The following DAB1 variants were observed in gnomAD, a reference collection of about 807,000 sequenced individuals.
The protein encoded by DAB1 is DAB adaptor protein 1, also known as disabled homolog 1.
Under a neutral mutation model 64.6 loss-of-function variants are expected in DAB1, and 15 were observed. The observed-to-expected ratio is 0.23, with a 90% CI of 0.16 to 0.36. The LOEUF is 0.36. DAB1 is among the 10% of genes least tolerant of loss of function. The pLI is 1.00. For missense variants in DAB1, 596 were observed against 706.7 expected (o/e 0.84, Z 1.78); for synonymous variants, 235 against 251.9 (o/e 0.93, Z 0.64).
intron 6 of DAB1, among the ~76,000 whole-genome samples, chr1:57,696,872 A>G (rs913068547): frequency 2.0e-5 from 3 of 152,152 alleles, no homozygotes; most frequent in African/African-American, 7.2e-5. Context: ...TGGCTAATTT[A>G]TCATTATGAT....
intron 1 of DAB1, among the ~76,000 whole-genome samples, chr1:57,835,354 T>A (rs955470693): frequency 2.6e-5 from 4 of 152,346 alleles, no homozygotes; most frequent in Middle Eastern, 3.4e-3. Context: ...TTAGCTATCA[T>A]CAACCCTGTT....
chr1:57,505,804 G>A (rs1264694314), intron 7 of DAB1, among the ~76,000 whole-genome samples: 1 of 152,024 alleles, frequency 6.6e-6, no homozygotes, highest in African/African-American at 2.4e-5. Context: ...CCACGTAGCT[G>A]AGACTACAGG....
At chr1:57,911,768 G>T (rs2102009521) in intron 5 of DAB1, among the ~76,000 whole-genome samples, 1 of 152,332 alleles carries the variant, frequency 6.6e-6, no homozygotes, top group East Asian at 1.9e-4. Context: ...GGGCTGGTAA[G>T]CATCCACAGC....
chr1:58,025,983 C>T (rs1422615277), intron 5 of DAB1, among the ~76,000 whole-genome samples: 3 of 152,104 alleles, frequency 2.0e-5, no homozygotes, highest in East Asian at 1.9e-4. Flanking sequence ...AACACTCATC[C>T]TTCAAGTTTT....
intron 2 of DAB1, among the ~76,000 whole-genome samples, chr1:57,241,008 C>T (rs1348891721): frequency 6.6e-6 from 1 of 152,158 alleles, no homozygotes; most frequent in African/African-American, 2.4e-5. Flanking sequence ...GTTACATTTG[C>T]ATGTATCTGC....
At chr1:57,318,252 G>A (rs1189613469) in intron 1 of DAB1, among the ~76,000 whole-genome samples, 2 of 151,978 alleles carry the variant, frequency 1.3e-5, no homozygotes, top group Non-Finnish European at 2.9e-5. Context: ...GAACTGAATG[G>A]TAGCTCCAAA....
chr1:57,962,135 T>G (rs779035100), intron 5 of DAB1, among the ~76,000 whole-genome samples: 3 of 152,102 alleles, frequency 2.0e-5, no homozygotes, highest in Non-Finnish European at 2.9e-5. Context: ...TCTGCTTGAC[T>G]AGACTATCTT....
chr1:57,606,507 A>G (rs1465997605), intron 7 of DAB1, among the ~76,000 whole-genome samples: 1 of 68,862 alleles, frequency 1.5e-5, no homozygotes, highest in East Asian at 4.0e-4. Flanking sequence ...TATAATATAT[A>G]ATATAATATA....
At chr1:57,976,654 G>A (rs771119048) in intron 5 of DAB1, among the ~76,000 whole-genome samples, 2 of 152,274 alleles carry the variant, frequency 1.3e-5, no homozygotes, top group Admixed American at 6.5e-5. Context: ...ATCACTATGT[G>A]ACACTTTTAG....
chr1:58,150,986 T>C (rs1425799820), intron 4 of DAB1, among the ~76,000 whole-genome samples: 2 of 152,190 alleles, frequency 1.3e-5, no homozygotes, highest in Admixed American at 6.5e-5. Context: ...AATGGTGGTA[T>C]CCAGCTTCAT....
intron 1 of DAB1, among the ~76,000 whole-genome samples, chr1:57,872,389 C>T (rs1024860699): frequency 1.3e-5 from 2 of 152,162 alleles, no homozygotes; most frequent in African/African-American, 4.8e-5. Context: ...AGAGGTATAT[C>T]TATGAACCAG....
At chr1:58,435,113 G>C (rs1477892926) in intron 3 of DAB1, among the ~76,000 whole-genome samples, 2 of 152,166 alleles carry the variant, frequency 1.3e-5, no homozygotes, top group Non-Finnish European at 2.9e-5. Context: ...GTTGACTTCA[G>C]ATTGGGTTCA....
intron 7 of DAB1, among the ~76,000 whole-genome samples, chr1:57,530,244 C>T (rs1196959636): frequency 6.6e-6 from 1 of 152,170 alleles, no homozygotes; most frequent in Non-Finnish European, 1.5e-5. Context: ...GATATGACAG[C>T]CTCTCTTGGT....
At chr1:57,121,157 G>GAGGAGGAGGAGGAGA (rs1553145028) in intron 4 of DAB1, among the ~76,000 whole-genome samples, 5 of 140,784 alleles carry the variant, frequency 3.6e-5, no homozygotes, top group Non-Finnish European at 6.1e-5. Flanking sequence ...GGAGGAGGAG[G>GAGGAGGAGGAGGAGA]AGGAGGAGAA....
chr1:58,383,588 A>G (rs559808476), intron 3 of DAB1, among the ~76,000 whole-genome samples: 9 of 148,426 alleles, frequency 6.1e-5, no homozygotes, highest in Non-Finnish European at 1.2e-4. Context: ...TCATACATAC[A>G]TTTTTTCAGT....
intron 2 of DAB1, among the ~76,000 whole-genome samples, chr1:57,280,777 T>A (rs1484236457): frequency 6.6e-6 from 1 of 152,190 alleles, no homozygotes; most frequent in Non-Finnish European, 1.5e-5. Context: ...GAATGCCACA[T>A]AATAAGAATC....
At chr1:57,725,693 T>C (rs1647200187) in intron 6 of DAB1, among the ~76,000 whole-genome samples, 1 of 152,152 alleles carries the variant, frequency 6.6e-6, no homozygotes, top group African/African-American at 2.4e-5. Context: ...ATTATTACCA[T>C]TATGATTAGA....
chr1:57,346,985 G>A lies in DAB1; in HGVS notation c.-136-55819C>T, dbSNP rs1319129659. Among the ~76,000 whole-genome samples the A allele has an allele frequency of 2.6e-5, 4 of 152,140 alleles. No individual in the cohort carries two copies. The East Asian group carries it at 5.8e-4, about 22-fold the overall frequency. On this transcript the variant is annotated intron_variant, in intron 1 of 14. Coordinates refer to ENST00000371236, the MANE Select transcript of DAB1 (RefSeq NM_001365792.1). ...AAATCCATGAAGCTTACGTACTGGT[G>A]GAGAAAACCAACAAATAAACCAAAA...
chr1:57,901,153 C>T (rs771247729), intron 5 of DAB1, among the ~76,000 whole-genome samples: 16 of 152,158 alleles, frequency 1.1e-4, no homozygotes, highest in African/African-American at 2.4e-4. Context: ...TGCAGCAAGT[C>T]TGTCCAGCTC....
Sources: gnomAD v4.1 joint callset for allele counts (sites outside exome capture counted in the v4.1 genomes callset) on GRCh38, gnomAD v4.1.1 for gene constraint, MANE v1.5 for transcripts, NCBI Gene and HGNC (gene_info 2026-07-23, HGNC 2026-07-21) for gene names.